The following CPED1 variants were observed in gnomAD, a reference collection of about 807,000 sequenced individuals.
CPED1 encodes the protein cadherin-like and PC-esterase domain-containing protein 1.
A neutral mutation model predicts 128.2 loss-of-function variants in CPED1; 114 were observed. The observed-to-expected ratio is 0.89, with a 90% CI of 0.76 to 1.04. CPED1 has a LOEUF of 1.04. CPED1 is among the 50% of genes least tolerant of loss of function. The pLI, the probability that CPED1 is intolerant of heterozygous loss-of-function variation, is 0.00. For missense variants in CPED1, 1,211 were observed against 1,207.1 expected (o/e 1.00, Z -0.05); for synonymous variants, 462 against 426.7 (o/e 1.08, Z -1.02).
chr7:121,256,664 C>CTT (rs1791886751), intron 18 of CPED1, among the ~76,000 whole-genome samples: 2 of 152,032 alleles, frequency 1.3e-5, no homozygotes, highest in Non-Finnish European at 2.9e-5. Flanking sequence ...GAACTTAAAA[C>CTT]TGAGCTATTA....
At chr7:121,245,213 A>G (rs774426101) in intron 18 of CPED1, among the ~76,000 whole-genome samples, 6 of 152,206 alleles carry the variant, frequency 3.9e-5, no homozygotes, top group Non-Finnish European at 7.3e-5. Context: ...ACAGGAGCTG[A>G]GGGGCAGGAC....
At chr7:121,251,269 T>C (rs986302017) in intron 18 of CPED1, among the ~76,000 whole-genome samples, 40 of 152,268 alleles carry the variant, frequency 2.6e-4, no homozygotes, top group African/African-American at 9.1e-4. Context: ...TCAACAACCC[T>C]TCATGCTAAA....
intron 3 of CPED1, among the ~76,000 whole-genome samples, chr7:121,032,513 A>G (rs1792758640): frequency 8.0e-6 from 1 of 124,922 alleles, no homozygotes; most frequent in Non-Finnish European, 1.6e-5. Flanking sequence ...GGTGGGGAAC[A>G]TCATACCGCG....
chr7:121,225,325 G>T (rs1276878989), intron 16 of CPED1, among the ~76,000 whole-genome samples: 3 of 152,142 alleles, frequency 2.0e-5, no homozygotes, highest in Non-Finnish European at 4.4e-5. Context: ...GGCTTATAGG[G>T]TTTCTGCCGA....
chr7:121,054,374 A>G (rs569787355), intron 4 of CPED1, among the ~76,000 whole-genome samples: 26 of 152,288 alleles, frequency 1.7e-4, no homozygotes, highest in African/African-American at 5.5e-4. Context: ...TTTACATCAT[A>G]TTTCCCTATT....
chr7:121,055,608 T>TA (rs1793476553), intron 4 of CPED1, among the ~76,000 whole-genome samples: 1 of 150,274 alleles, frequency 6.7e-6, no homozygotes, highest in Non-Finnish European at 1.5e-5. Context: ...TATGATATAA[T>TA]TATACATATA....
At chr7:121,176,503 A>T (rs1439346927) in intron 16 of CPED1, among the ~76,000 whole-genome samples, 1 of 152,078 alleles carries the variant, frequency 6.6e-6, no homozygotes, top group African/African-American at 2.4e-5. Context: ...TACTAAATAC[A>T]TATAAGCCAA....
chr7:121,145,534 A>G (rs1796005858), intron 16 of CPED1, among the ~76,000 whole-genome samples: 1 of 152,102 alleles, frequency 6.6e-6, no homozygotes, highest in South Asian at 2.1e-4. Flanking sequence ...ATGAGTGAAC[A>G]CAAAAATGTG....
At chr7:121,032,142 C>T (rs1481925928) in intron 3 of CPED1, among the ~76,000 whole-genome samples, 4 of 152,146 alleles carry the variant, frequency 2.6e-5, no homozygotes, top group African/African-American at 7.2e-5. Context: ...TGGGAACCAA[C>T]GTGATAGAAT....
intron 3 of CPED1, among the ~76,000 whole-genome samples, chr7:121,040,933 C>T (rs1308036450): frequency 1.3e-5 from 2 of 151,894 alleles, no homozygotes; most frequent in African/African-American, 4.8e-5. Flanking sequence ...ATCTGTTCTG[C>T]CTCAAATTAA....
At chr7:121,242,962 A>C (rs574875010) in intron 17 of CPED1, among the ~76,000 whole-genome samples, 1 of 152,212 alleles carries the variant, frequency 6.6e-6, no homozygotes, top group East Asian at 1.9e-4. Flanking sequence ...CACATTCACA[A>C]TTCTAACATC....
intron 3 of CPED1, among the ~76,000 whole-genome samples, chr7:121,032,409 T>C (rs1792756595): frequency 6.6e-6 from 1 of 151,934 alleles, no homozygotes; most frequent in African/African-American, 2.4e-5. Context: ...AAAGTGTGCT[T>C]CTCCATCATT....
At position 121,289,085 on chromosome 7, in the gene CPED1, A is replaced by G. The variant is rs560745648; in HGVS notation, c.2869-6355A>G. On this transcript the variant is annotated intron_variant, in intron 22 of 22. Coordinates refer to ENST00000310396, the MANE Select transcript of CPED1 (RefSeq NM_024913.5). ...CACAGTAGAAAATTTTGACCCTGGG[A>G]CCTAGACTATTAATCAGTGGTTAAC... Among the ~76,000 whole-genome samples the G allele has an allele frequency of 1.2e-4, 18 of 152,216 alleles. No homozygotes were observed. In the South Asian group the frequency reaches 3.7e-3, roughly 32 times the overall value.
chr7:121,232,396 C>T (rs951803000), intron 16 of CPED1, among the ~76,000 whole-genome samples: 3 of 152,042 alleles, frequency 2.0e-5, no homozygotes, highest in Non-Finnish European at 4.4e-5. Context: ...TTGGTCCATG[C>T]ATGAGGGTGC....
intron 16 of CPED1, among the ~76,000 whole-genome samples, chr7:121,190,049 T>C (rs1363862168): frequency 6.6e-6 from 1 of 151,632 alleles, no homozygotes; most frequent in Non-Finnish European, 1.5e-5. Context: ...AGTTAAAGAA[T>C]TTTAACAAGT....
intron 16 of CPED1, among the ~76,000 whole-genome samples, chr7:121,218,197 G>A (rs1374098223): frequency 1.4e-5 from 2 of 144,430 alleles, no homozygotes; most frequent in African/African-American, 5.2e-5. Flanking sequence ...GTTTTACCAT[G>A]TTGGCCAGGC....
Position 120,989,402 on chromosome 7 carries a change from T to G in CPED1, c.-220T>G. 1 of 560,176 alleles carries G rather than the reference T, an allele frequency of 1.8e-6. No individual in the cohort carries two copies. The highest frequency in any genetic ancestry group is 3.2e-6 in the Non-Finnish European group (1 of 315,564). 34.7% of individuals were successfully genotyped at this position (560,176 alleles called of 1,614,324 possible). ...TTTTTTAAACTCAGGTCATCCACTT[T>G]TGACTGTCATCCATGGAAGAGCTCT... On this transcript the variant is annotated 5_prime_UTR_variant, in exon 2 of 23. Coordinates refer to ENST00000310396, the MANE Select transcript of CPED1 (RefSeq NM_024913.5).
chr7:121,130,028 T>C (rs1795622755), intron 11 of CPED1, 97 bp from the exon 12 acceptor site: 1 of 1,038,812 alleles, frequency 9.6e-7, no homozygotes, highest in Non-Finnish European at 1.4e-6. Context: ...AACAAATATC[T>C]GACTTTTTAA....
intron 22 of CPED1, among the ~76,000 whole-genome samples, chr7:121,289,610 G>T (rs530650402): frequency 6.6e-6 from 1 of 152,012 alleles, no homozygotes; most frequent in East Asian, 1.9e-4. Context: ...TGTTTTCATT[G>T]CACTACCTTA....
Sources: allele counts gnomAD v4.1 joint callset (sites outside exome capture counted in the v4.1 genomes callset), GRCh38; gene constraint gnomAD v4.1.1; transcripts MANE v1.5; gene names NCBI Gene and HGNC (gene_info 2026-07-23, HGNC 2026-07-21).